ADAMTS17: variants seen among roughly 807,000 people sequenced by gnomAD.
The protein encoded by ADAMTS17 is A disintegrin and metalloproteinase with thrombospondin motifs 17.
In ADAMTS17, 113 loss-of-function variants were observed where a neutral mutation model predicts 141.5. That is an observed-to-expected ratio of 0.80 (90% CI 0.69 to 0.93). The LOEUF (loss-of-function observed/expected upper bound fraction) is 0.93, where lower values mean the gene tolerates loss of function less well. Ranked by LOEUF, ADAMTS17 falls within the 40% of genes least tolerant of loss-of-function variation. ADAMTS17 has a pLI of 0.00. For synonymous variants in ADAMTS17, 768 were observed against 630.6 expected (o/e 1.22, Z -3.27); for missense variants, 1,659 against 1,517.9 (o/e 1.09, Z -1.54).
At chr15:100,010,536 A>G (rs1042291267) in intron 18 of ADAMTS17, among the ~76,000 whole-genome samples, 1 of 152,246 alleles carries the variant, frequency 6.6e-6, no homozygotes, top group South Asian at 2.1e-4. Flanking sequence ...AGGCTGTGGC[A>G]GGAGCTGGCC....
chr15:100,103,052 C>T (rs1233045101), intron 14 of ADAMTS17, among the ~76,000 whole-genome samples: 1 of 152,210 alleles, frequency 6.6e-6, no homozygotes, highest in Non-Finnish European at 1.5e-5. Context: ...GGATCTTTCA[C>T]CTGGAAGCTC....
At chr15:100,100,301 G>A (rs940609639) in intron 14 of ADAMTS17, among the ~76,000 whole-genome samples, 16 of 152,032 alleles carry the variant, frequency 1.1e-4, no homozygotes, top group Admixed American at 2.0e-4. Context: ...TAGCTCCCCC[G>A]GGGCTCCCTG....
chr15:100,051,467 C>G lies in ADAMTS17; in HGVS notation c.2455+105G>C, dbSNP rs1286090357. The G allele has an allele frequency of 2.0e-6, 3 of 1,499,178 alleles. No individual in the cohort carries two copies. The African/African-American group carries it at 4.1e-5, about 21-fold the overall frequency. 92.9% of individuals were successfully genotyped at this position (1,499,178 alleles called of 1,614,324 possible). On this transcript the variant is annotated intron_variant, in intron 17 of 21. Coordinates refer to ENST00000268070, the MANE Select transcript of ADAMTS17 (RefSeq NM_139057.4). The stretch of plus-strand genomic sequence containing the variant: ...GGGATATGGTTAAATTCCCATGGAG[C>G]TACAGGTTGCAGATGTCTCACACTC...
chr15:100,292,880 C>T (rs2142135357), intron 3 of ADAMTS17, among the ~76,000 whole-genome samples: 1 of 152,280 alleles, frequency 6.6e-6, no homozygotes, highest in East Asian at 1.9e-4. Flanking sequence ...CGAAGGATAC[C>T]ATTCCTTAGG....
chr15:100,231,493 G>A (rs1219908485), intron 7 of ADAMTS17, among the ~76,000 whole-genome samples: 1 of 152,216 alleles, frequency 6.6e-6, no homozygotes, highest in African/African-American at 2.4e-5. Context: ...GACCATGAAT[G>A]AGGAAGAAAA....
chr15:100,192,896 G>C (rs544971489), intron 8 of ADAMTS17, among the ~76,000 whole-genome samples: 2 of 149,914 alleles, frequency 1.3e-5, no homozygotes. Flanking sequence ...CCCCAGACAT[G>C]TGTCCACCCA....
At chr15:100,180,652 G>A (rs1053913531) in intron 8 of ADAMTS17, among the ~76,000 whole-genome samples, 2 of 152,138 alleles carry the variant, frequency 1.3e-5, no homozygotes, top group Non-Finnish European at 2.9e-5. Flanking sequence ...ATTCATGAAC[G>A]CTGAATATCT....
intron 3 of ADAMTS17, among the ~76,000 whole-genome samples, chr15:100,289,337 G>A (rs941975032): frequency 6.6e-6 from 1 of 152,090 alleles, no homozygotes. Context: ...AATTGAATCA[G>A]TAATAAAAAG....
rs1194370108 is a variant in ADAMTS17 at position 100,092,315 on chromosome 15, C to T, written c.2137+4041G>A. Among the ~76,000 whole-genome samples, 6 of 152,146 alleles carry T rather than the reference C, an allele frequency of 3.9e-5. No individual in the cohort carries two copies. In the South Asian group the frequency reaches 1.0e-3, roughly 26 times the overall value. On this transcript the variant is annotated intron_variant, in intron 15 of 21. Coordinates refer to ENST00000268070, the MANE Select transcript of ADAMTS17 (RefSeq NM_139057.4). The stretch of plus-strand genomic sequence containing the variant: ...TGGCCTCTGAGTTTATCCATGGCTT[C>T]GCACACAACTTACTCCCATTGATTC...
chr15:100,052,519 G>C (rs2032226106), intron 16 of ADAMTS17, among the ~76,000 whole-genome samples: 1 of 152,162 alleles, frequency 6.6e-6, no homozygotes, highest in Non-Finnish European at 1.5e-5. Flanking sequence ...TCACTTTAAC[G>C]GGCTAACCAC....
intron 7 of ADAMTS17, among the ~76,000 whole-genome samples, chr15:100,218,501 G>C (rs962574020): frequency 6.6e-6 from 1 of 152,184 alleles, no homozygotes; most frequent in East Asian, 1.9e-4. Context: ...TCAGCCATTA[G>C]AGAAAGGCAA....
At chr15:100,126,161 G>A (rs1057147691) in intron 12 of ADAMTS17, 5 of 152,228 alleles carry the variant, frequency 3.3e-5, no homozygotes, top group Non-Finnish European at 5.9e-5. Context: ...GCTGCAGCCT[G>A]GACTTCATAA....
intron 12 of ADAMTS17, chr15:100,128,679 A>G (rs924471900): frequency 6.6e-6 from 1 of 152,242 alleles, no homozygotes; most frequent in Non-Finnish European, 1.5e-5. Flanking sequence ...TCCTGGGGCC[A>G]TGGGACCTGG....
At chr15:99,982,125 G>A (rs1268795544) in intron 20 of ADAMTS17, among the ~76,000 whole-genome samples, 1 of 152,242 alleles carries the variant, frequency 6.6e-6, no homozygotes, top group Non-Finnish European at 1.5e-5. Context: ...CTGCAGTAGA[G>A]GCAGTGTGGA....
intron 7 of ADAMTS17, among the ~76,000 whole-genome samples, chr15:100,247,095 C>A (rs1038419842): frequency 6.6e-6 from 1 of 151,964 alleles, no homozygotes; most frequent in Non-Finnish European, 1.5e-5. Context: ...CCATGTTGGC[C>A]GGGCTAGTCT....
chr15:100,157,633 TA>T (rs1039669107), intron 8 of ADAMTS17, among the ~76,000 whole-genome samples: 8 of 152,120 alleles, frequency 5.3e-5, no homozygotes, highest in Non-Finnish European at 1.2e-4. Flanking sequence ...GAGCATTTGG[TA>T]AAAATATTTA....
Position 100,152,738 on chromosome 15 carries a change from T to C in ADAMTS17, c.1347A>G (p.Leu449=), listed in dbSNP as rs1416359712. ...TGTGCTGGCTTCTGGGGTCCGTGAC[T>C]AGCAAGCAGGTGCTGACTTTTGACC... ...FLKSKVSTCL[L]VTDPRSQHTV... The change falls in exon 10 of 22, where the codon CTA becomes CTG. Residue 449 remains leucine, a synonymous_variant. Transcript: ENST00000268070. 6.2e-7 allele frequency: 1 copy of C among 1,614,210 alleles called. No homozygotes were observed. Among genetic ancestry groups the C allele is most frequent in the East Asian group, 2.2e-5 (1 of 44,872 alleles).
intron 9 of ADAMTS17, among the ~76,000 whole-genome samples, chr15:100,154,504 G>C (rs1433956067): frequency 6.6e-6 from 1 of 152,088 alleles, no homozygotes; most frequent in Non-Finnish European, 1.5e-5. Flanking sequence ...TGTCTCCCAG[G>C]GTGCATGAAT....
chr15:100,064,258 A>G (rs887911472), intron 15 of ADAMTS17, among the ~76,000 whole-genome samples: 2 of 152,224 alleles, frequency 1.3e-5, no homozygotes, highest in South Asian at 4.1e-4. Context: ...GGCAAGAAGC[A>G]TGGAACAGAT....
Sources: allele counts gnomAD v4.1 joint callset (sites outside exome capture counted in the v4.1 genomes callset), GRCh38; gene constraint gnomAD v4.1.1; transcripts MANE v1.5; gene names NCBI Gene and HGNC (gene_info 2026-07-23, HGNC 2026-07-21).